The following SNRPD1 variants were observed in gnomAD, a reference collection of about 807,000 sequenced individuals.
SNRPD1 encodes the protein small nuclear ribonucleoprotein Sm D1.
Under a neutral mutation model 14.4 loss-of-function variants are expected in SNRPD1, and 1 was observed. The ratio of observed to expected loss-of-function variants is 0.07; its 90% CI spans 0.02 to 0.33. The LOEUF (loss-of-function observed/expected upper bound fraction) is 0.33. Among genes scored for constraint, SNRPD1 ranks in the 10% least tolerant of loss-of-function variants. SNRPD1 has a pLI of 1.00. For synonymous variants in SNRPD1, 42 were observed against 50.3 expected, an observed-to-expected ratio of 0.83 and a Z score of 0.70; for missense variants, 52 against 146.4, an observed-to-expected ratio of 0.36 and a Z score of 3.33.
chr18:21,622,391 T>A (rs764581859), intron 1 of SNRPD1, among the ~76,000 whole-genome samples: 1 of 152,138 alleles, frequency 6.6e-6, no homozygotes, highest in Admixed American at 6.6e-5. Flanking sequence ...CCGCCCGCCT[T>A]GGCCTCCCAA....
chr18:21,631,738 C>T lies in SNRPD1; in HGVS notation c.*2600C>T, dbSNP rs2039086573. On this transcript the variant is annotated 3_prime_UTR_variant, in exon 4 of 4. Coordinates refer to ENST00000300413, the MANE Select transcript of SNRPD1 (RefSeq NM_006938.4). The stretch of plus-strand genomic sequence containing the variant: ...GCCACCGTGCGTCCCCGGCCTATAC[C>T]TTTCATTAATTAATAAGCTGGGGGA... 6.6e-6 allele frequency: 1 copy of T among 151,860 alleles called. No individual in the cohort carries two copies. Among genetic ancestry groups the T allele is most frequent in the Non-Finnish European group, 1.5e-5 (1 of 67,992 alleles). The allele number at this position is 151,860 out of a possible 1,614,324, so 9.4% of individuals were successfully genotyped here. A position where few individuals can be genotyped will look rare whatever the true frequency, so the allele number is the denominator to read the frequency against.
rs992301386 is a variant in SNRPD1 at position 21,629,915 on chromosome 18, T to C, written c.*777T>C. ...GGTATTTCGGAAACTAAAGTCCTTA[T>C]GGGATGGGGTCTAGAATTGATTCTC... On this transcript the variant is annotated 3_prime_UTR_variant, in exon 4 of 4. Coordinates refer to ENST00000300413, the MANE Select transcript of SNRPD1 (RefSeq NM_006938.4). The C allele has an allele frequency of 6.6e-6, 1 of 152,220 alleles. No homozygotes were observed. 9.4% of individuals were successfully genotyped at this position (152,220 alleles called of 1,614,324 possible). A position where few individuals can be genotyped will look rare whatever the true frequency, so the allele number is the denominator to read the frequency against.
intron 1 of SNRPD1, among the ~76,000 whole-genome samples, chr18:21,621,545 C>T (rs1474614752): frequency 6.6e-6 from 1 of 151,940 alleles, no homozygotes; most frequent in East Asian, 1.9e-4. Context: ...GGATTACAGG[C>T]GTGCGCCACC....
intron 1 of SNRPD1, 73 bp from the exon 2 acceptor site, chr18:21,622,652 G>T: frequency 1.3e-6 from 1 of 745,108 alleles, no homozygotes; most frequent in Admixed American, 2.2e-5. Context: ...ACATCGAGTT[G>T]TTTCACCCTT....
rs752902524 is a variant in SNRPD1, at chr18:21,622,674, A to C, written c.15-51A>C. On this transcript the variant is annotated intron_variant, in intron 1 of 3. Coordinates refer to ENST00000300413, the MANE Select transcript of SNRPD1 (RefSeq NM_006938.4). ...GTTGTTTCACCCTTTCACCTTAATAAATGTGATTTTAAAGTGTTACAGGTA... is the reference window on the plus strand; with the variant it reads ...GTTGTTTCACCCTTTCACCTTAATACATGTGATTTTAAAGTGTTACAGGTA... The C allele has an allele frequency of 5.7e-6, 5 of 875,388 alleles. No homozygotes were observed. In the South Asian group the frequency reaches 6.9e-5, roughly 12 times the overall value. 54.2% of individuals were successfully genotyped at this position (875,388 alleles called of 1,614,324 possible).
intron 3 of SNRPD1, 132 bp downstream of exon 3, chr18:21,624,071 C>T (rs1243737728): frequency 1.6e-6 from 1 of 634,394 alleles, no homozygotes; most frequent in African/African-American, 1.9e-5. Flanking sequence ...TATAGTAATT[C>T]TTGGTGTTGC....
intron 1 of SNRPD1, among the ~76,000 whole-genome samples, chr18:21,615,359 T>C (rs1186536645): frequency 3.3e-5 from 5 of 152,200 alleles, no homozygotes; most frequent in Non-Finnish European, 7.3e-5. Context: ...CTCACGTCTG[T>C]AATCCCAGCA....
chr18:21,625,315 AATTTTTT>A (rs1013452347), intron 3 of SNRPD1, among the ~76,000 whole-genome samples: 1 of 98,264 alleles, frequency 1.0e-5, no homozygotes, highest in Non-Finnish European at 1.7e-5. Context: ...TGTTGAAAAA[AATTTTTT>A]TTTTTTTTTT....
chr18:21,629,454 A>G lies in SNRPD1; in HGVS notation c.*316A>G. The G allele has an allele frequency of 4.4e-6, 1 of 225,662 alleles. No individual in the cohort carries two copies. Among genetic ancestry groups the G allele is most frequent in the Non-Finnish European group, 8.8e-6 (1 of 113,120 alleles). The allele number at this position is 225,662 out of a possible 1,614,324, so 14.0% of individuals were successfully genotyped here. ...GGCAGAGTTTAATTGAGCAAAGGACAATTCACAAATCAGGTAGCCCCTGAA... is the reference window on the plus strand; with the variant it reads ...GGCAGAGTTTAATTGAGCAAAGGACGATTCACAAATCAGGTAGCCCCTGAA... On this transcript the variant is annotated 3_prime_UTR_variant, in exon 4 of 4. Transcript: ENST00000300413.
In SNRPD1 at chr18:21,620,891, C is replaced by T. The variant is rs147762527; in HGVS notation, c.15-1834C>T. Among the ~76,000 whole-genome samples, 1,378 of 152,138 alleles carry T rather than the reference C, an allele frequency of 9.1e-3. 22 individuals are homozygous for T. Among genetic ancestry groups the T allele is most frequent in the African/African-American group, 0.031 (1,292 of 41,510 alleles). ...AATGAAAAGATATTCAGGCAGGGCG[C>T]GGTGGCTCATGCCTGTAATCCCAGC... On this transcript the variant is annotated intron_variant, in intron 1 of 3. Coordinates refer to ENST00000300413, the MANE Select transcript of SNRPD1 (RefSeq NM_006938.4).
intron 3 of SNRPD1, among the ~76,000 whole-genome samples, chr18:21,626,553 GGCTGAGGCA>G (rs1188725949): frequency 3.3e-5 from 5 of 152,028 alleles, no homozygotes; most frequent in African/African-American, 1.2e-4. Flanking sequence ...CACTTTCAGA[GGCTGAGGCA>G]GCTGGATCAC....
rs1215399832 is a variant in SNRPD1 at position 21,631,896 on chromosome 18, CAA to C, written c.*2761_*2762del. The stretch of plus-strand genomic sequence containing the variant: ...GGAGAGATTTGTTGAAGGGGTCAAA[CAA>C]AACCCTGCAAGAGTAGGAAATAAAC... On this transcript the variant is annotated 3_prime_UTR_variant, in exon 4 of 4. Transcript: ENST00000300413. The C allele has an allele frequency of 6.6e-6, 1 of 152,014 alleles. No homozygotes were observed. Among genetic ancestry groups the C allele is most frequent in the Non-Finnish European group, 1.5e-5 (1 of 68,024 alleles). The allele number at this position is 152,014 out of a possible 1,614,324, so 9.4% of individuals were successfully genotyped here. A position where few individuals can be genotyped will look rare whatever the true frequency, so the allele number is the denominator to read the frequency against.
At chr18:21,625,830 C>T (rs953745817) in intron 3 of SNRPD1, among the ~76,000 whole-genome samples, 10 of 151,918 alleles carry the variant, frequency 6.6e-5, no homozygotes, top group African/African-American at 1.2e-4. Flanking sequence ...CAAGCGGTCT[C>T]GATCTCCTGA....
intron 1 of SNRPD1, among the ~76,000 whole-genome samples, chr18:21,616,072 G>A (rs1384942920): frequency 2.0e-5 from 3 of 152,092 alleles, no homozygotes; most frequent in Non-Finnish European, 2.9e-5. Flanking sequence ...TGCAAGCTCC[G>A]CCTCCTGGGT....
intron 3 of SNRPD1, 105 bp from the exon 4 acceptor site, chr18:21,628,957 A>G: frequency 3.6e-6 from 3 of 837,100 alleles, no homozygotes; most frequent in East Asian, 4.9e-5. Context: ...CTACTAATAA[A>G]GAGCTATAAA....
At chr18:21,613,295 C>G (rs999147341) in intron 1 of SNRPD1, among the ~76,000 whole-genome samples, 1 of 152,166 alleles carries the variant, frequency 6.6e-6, no homozygotes, top group Admixed American at 6.6e-5. Flanking sequence ...TGAGACTAAG[C>G]CTGGAACAGA....
chr18:21,621,487 G>C (rs1007347727), intron 1 of SNRPD1, among the ~76,000 whole-genome samples: 2 of 152,098 alleles, frequency 1.3e-5, no homozygotes, highest in African/African-American at 4.8e-5. Flanking sequence ...TGCAAATGCT[G>C]CCTCCCGGGT....
rs12953660 is a variant in SNRPD1, at chr18:21,633,444, C to T, written c.*4306C>T. On this transcript the variant is annotated 3_prime_UTR_variant, in exon 4 of 4. Transcript: ENST00000300413. The stretch of plus-strand genomic sequence containing the variant: ...ACCAACAGCAGACATTTTCTAAAGG[C>T]ATTAAAAGTATATCTGATACTGGCC... The T allele has an allele frequency of 6.6e-6, 1 of 152,100 alleles. No homozygotes were observed. The highest frequency in any genetic ancestry group is 1.5e-5 in the Non-Finnish European group (1 of 68,028). The allele number at this position is 152,100 out of a possible 1,614,324, so 9.4% of individuals were successfully genotyped here.
At chr18:21,617,868 A>G (rs2038968911) in intron 1 of SNRPD1, among the ~76,000 whole-genome samples, 1 of 152,170 alleles carries the variant, frequency 6.6e-6, no homozygotes, top group African/African-American at 2.4e-5. Context: ...AGTCTCAGCT[A>G]CTTGGGAGGC....
Sources: allele counts gnomAD v4.1 joint callset (sites outside exome capture counted in the v4.1 genomes callset), GRCh38; gene constraint gnomAD v4.1.1; transcripts MANE v1.5; gene names NCBI Gene and HGNC (gene_info 2026-07-23, HGNC 2026-07-21).